Variants in SPATA6 observed in about 807,000 individuals in gnomAD.
The protein encoded by SPATA6 is spermatogenesis-associated protein 6.
SPATA6 carries 56 observed loss-of-function variants against 65.3 expected under a neutral mutation model. The observed-to-expected ratio is 0.86, with a 90% CI of 0.69 to 1.07. The LOEUF (loss-of-function observed/expected upper bound fraction) is 1.07. Among genes scored for constraint, SPATA6 ranks in the 50% least tolerant of loss-of-function variants. The pLI, the probability that SPATA6 is intolerant of heterozygous loss-of-function variation, is 0.00. For missense variants in SPATA6, 590 were observed against 594.8 expected, an observed-to-expected ratio of 0.99 and a Z score of 0.08; for synonymous variants, 199 against 213.2, an observed-to-expected ratio of 0.93 and a Z score of 0.58.
At chr1:48,336,048 C>G (rs765880767) in intron 11 of SPATA6, among the ~76,000 whole-genome samples, 26 of 152,092 alleles carry the variant, frequency 1.7e-4, no homozygotes, top group Non-Finnish European at 3.2e-4. Flanking sequence ...TATCACTAAT[C>G]ATTAGAGAAA....
intron 1 of SPATA6, among the ~76,000 whole-genome samples, chr1:48,471,255 T>C (rs1038489028): frequency 1.3e-5 from 2 of 151,554 alleles, no homozygotes; most frequent in African/African-American, 4.9e-5. Flanking sequence ...AGGGGTGGGG[T>C]TGCAAGGTTG....
At chr1:48,457,972 T>G (rs1487497309) in intron 1 of SPATA6, among the ~76,000 whole-genome samples, 2 of 150,454 alleles carry the variant, frequency 1.3e-5, no homozygotes, top group Admixed American at 1.3e-4. Flanking sequence ...ATGACAATAA[T>G]ATAAAGGAAG....
At chr1:48,449,579 C>A (rs1237033677) in intron 3 of SPATA6, among the ~76,000 whole-genome samples, 1 of 152,064 alleles carries the variant, frequency 6.6e-6, no homozygotes, top group Non-Finnish European at 1.5e-5. Flanking sequence ...TCTAACAAAT[C>A]CACAGTATTA....
At chr1:48,343,898 G>A (rs1306337713) in intron 11 of SPATA6, among the ~76,000 whole-genome samples, 2 of 152,032 alleles carry the variant, frequency 1.3e-5, no homozygotes, top group Non-Finnish European at 2.9e-5. Flanking sequence ...GAACAGGAAA[G>A]AAAATCCCCA....
chr1:48,439,933 C>T (rs1249699175), intron 3 of SPATA6, among the ~76,000 whole-genome samples: 1 of 152,182 alleles, frequency 6.6e-6, no homozygotes, highest in Non-Finnish European at 1.5e-5. Context: ...TTGACCTTTT[C>T]TGTAAGAGGG....
chr1:48,306,418 C>G (rs1645063921), intron 11 of SPATA6, among the ~76,000 whole-genome samples: 1 of 151,880 alleles, frequency 6.6e-6, no homozygotes, highest in Admixed American at 6.6e-5. Context: ...ATGGTTACCC[C>G]CACCTTGTAT....
chr1:48,309,344 C>T (rs567108312), intron 11 of SPATA6, among the ~76,000 whole-genome samples: 15 of 152,120 alleles, frequency 9.9e-5, no homozygotes, highest in African/African-American at 3.6e-4. Context: ...GTCTTCAAGT[C>T]CAATAATATT....
intron 3 of SPATA6, among the ~76,000 whole-genome samples, chr1:48,422,699 A>G (rs1653459178): frequency 6.6e-6 from 1 of 152,194 alleles, no homozygotes; most frequent in South Asian, 2.1e-4. Context: ...AGAACAAGAT[A>G]CTACACCTTC....
chr1:48,309,833 C>T (rs139313578), intron 11 of SPATA6, among the ~76,000 whole-genome samples: 5 of 152,254 alleles, frequency 3.3e-5, no homozygotes, highest in Non-Finnish European at 5.9e-5. Flanking sequence ...TTTCTATAAA[C>T]GCTTAGAACC....
chr1:48,282,392 C>T, the SPATA6 span, among the ~76,000 whole-genome samples: 15 of 152,242 alleles, frequency 9.9e-5, no homozygotes, highest in Non-Finnish European at 2.2e-4. Context: ...TCAGAGTAAA[C>T]AGGCAACCTA....
intron 11 of SPATA6, chr1:48,325,693 ACCCGTCTTCTCAATT>A: frequency 1.7e-6 from 1 of 573,648 alleles, no homozygotes; most frequent in Non-Finnish European, 3.3e-6. Context: ...CATCCTCTTC[ACCCGTCTTCTCAATT>A]CCTTTCAGAG....
At chr1:48,369,445 G>A (rs1490517138) in intron 9 of SPATA6, among the ~76,000 whole-genome samples, 2 of 152,170 alleles carry the variant, frequency 1.3e-5, no homozygotes, top group Non-Finnish European at 2.9e-5. Flanking sequence ...CGAGCTTCCT[G>A]GCTCCTTTGT....
intron 9 of SPATA6, among the ~76,000 whole-genome samples, chr1:48,368,685 T>C (rs1316370495): frequency 3.3e-5 from 5 of 152,226 alleles, no homozygotes; most frequent in Admixed American, 1.3e-4. Context: ...TTATTCTAGT[T>C]ATACATTTGT....
chr1:48,452,444 C>T (rs953728268), intron 2 of SPATA6, among the ~76,000 whole-genome samples: 9 of 149,896 alleles, frequency 6.0e-5, no homozygotes, highest in Non-Finnish European at 8.9e-5. Flanking sequence ...AGTGCAGTGG[C>T]GCTATCTCCT....
intron 11 of SPATA6, among the ~76,000 whole-genome samples, chr1:48,313,091 G>C (rs759531738): frequency 2.0e-5 from 3 of 152,206 alleles, no homozygotes; most frequent in Admixed American, 2.0e-4. Context: ...AAGTGACGGG[G>C]AGAATGGAAC....
chr1:48,312,215 T>C (rs1645238507), intron 11 of SPATA6, among the ~76,000 whole-genome samples: 1 of 151,618 alleles, frequency 6.6e-6, no homozygotes, highest in African/African-American at 2.4e-5. Context: ...TTGAAGAGAG[T>C]AGTGGTTCTC....
intron 11 of SPATA6, among the ~76,000 whole-genome samples, chr1:48,350,247 A>AT (rs1165694425): frequency 4.8e-5 from 7 of 147,232 alleles, no homozygotes; most frequent in Admixed American, 1.3e-4. Context: ...CCATTATTTA[A>AT]TTTGGTTATT....
chr1:48,323,513 C>T (rs1645662308), intron 11 of SPATA6, among the ~76,000 whole-genome samples: 1 of 151,418 alleles, frequency 6.6e-6, no homozygotes, highest in South Asian at 2.1e-4. Context: ...CACATGTATA[C>T]TGATGTTAAA....
intron 3 of SPATA6, chr1:48,448,103 A>G (rs574610371): frequency 1.3e-5 from 2 of 152,186 alleles, no homozygotes; most frequent in South Asian, 4.2e-4. Context: ...CTACAAAAAA[A>G]TAAAAAAAAT....
Sources: gnomAD v4.1 joint callset for allele counts (sites outside exome capture counted in the v4.1 genomes callset) on GRCh38, gnomAD v4.1.1 for gene constraint, MANE v1.5 for transcripts, NCBI Gene and HGNC (gene_info 2026-07-23, HGNC 2026-07-21) for gene names.